TLE3: variants seen among roughly 807,000 people sequenced by gnomAD.
TLE3 encodes the protein transducin-like enhancer protein 3.
In TLE3, 14 loss-of-function variants were observed where a neutral mutation model predicts 93.0. The ratio of observed to expected loss-of-function variants is 0.15; its 90% CI spans 0.10 to 0.24. The LOEUF is 0.24. TLE3 is among the 10% of genes least tolerant of loss of function. The pLI, the probability that TLE3 is intolerant of heterozygous loss-of-function variation, is 1.00. For synonymous variants in TLE3, 451 were observed against 425.0 expected (o/e 1.06, Z -0.75); for missense variants, 693 against 1,046.6 (o/e 0.66, Z 4.66).
chr15:70,061,722 T>A (rs529285745), intron 8 of TLE3, among the ~76,000 whole-genome samples: 1 of 152,290 alleles, frequency 6.6e-6, no homozygotes, highest in South Asian at 2.1e-4. Flanking sequence ...ACCCACCAAT[T>A]TCCGAGCAGC....
In TLE3 at chr15:70,060,548, C is replaced by A. The variant is rs1223980901; in HGVS notation, c.696G>T (p.Lys232Asn). The change falls in exon 9 of 20, where the codon AAG (lysine) becomes AAT (asparagine). Residue 232 changes from lysine (K) to asparagine (N), a missense_variant. Around this residue, in one of 4 missense-constraint regions of TLE3, gnomAD observed 405 missense variants for 468.9 expected, o/e 0.86. Transcript: ENST00000451782. ...MEAKKRKAEE[K>N]DSLSRYDSDG... Reference sequence around the variant, plus strand: ...GACGTACGTATCGGCTCAAGCTGTCCTTCTCCTCCGCCTTCCGCTTCTTGG... The same window carrying A: ...GACGTACGTATCGGCTCAAGCTGTCATTCTCCTCCGCCTTCCGCTTCTTGG... The A allele has an allele frequency of 6.2e-7, 1 of 1,613,856 alleles. No individual in the cohort carries two copies.
chr15:70,093,081 T>C (rs1337180761), intron 4 of TLE3, among the ~76,000 whole-genome samples: 1 of 152,192 alleles, frequency 6.6e-6, no homozygotes, highest in African/African-American at 2.4e-5. Flanking sequence ...CCCTTCCAGT[T>C]GCAGAACCTG....
At chr15:70,056,419 A>G in intron 13 of TLE3, 45 bp from the exon 14 acceptor site, 1 of 1,573,572 alleles carries the variant, frequency 6.4e-7, no homozygotes, top group African/African-American at 1.3e-5. Flanking sequence ...GTGCTGCCAC[A>G]CACCCCCACC....
intron 3 of TLE3, chr15:70,095,373 C>T (rs1397836535): frequency 2.1e-6 from 3 of 1,444,588 alleles, no homozygotes; most frequent in Non-Finnish European, 2.7e-6. Context: ...TCTCTTTCTG[C>T]CCCTCCCCTC....
At chr15:70,096,068 G>T (rs1457291610) in intron 2 of TLE3, 93 bp downstream of exon 2, 20 of 1,411,422 alleles carry the variant, frequency 1.4e-5, no homozygotes, top group African/African-American at 7.2e-5. Context: ...CCCCTAGGTC[G>T]GGAGCCCCCT....
intron 2 of TLE3, 155 bp downstream of exon 2, chr15:70,096,006 C>T: frequency 1.1e-6 from 1 of 928,752 alleles, no homozygotes; most frequent in Non-Finnish European, 1.6e-6. Flanking sequence ...AGGGTTAAGG[C>T]GGCGCGCTCG....
At position 70,066,212 on chromosome 15, in the gene TLE3, G is replaced by T; in HGVS notation, c.379C>A (p.Gln127Lys). The T allele has an allele frequency of 6.5e-7, 1 of 1,529,286 alleles. No homozygotes were observed. 94.7% of individuals were successfully genotyped at this position (1,529,286 alleles called of 1,614,324 possible). ...TGGGAGAGGTGCTGCGCCTGGAGCT[G>T]CTGCTGCTGCAATGAAGTCGGTGGT... ...TELNAIIGQQ[Q>K]LQAQHLSHAT... The change falls in exon 7 of 20, where the codon CAG becomes AAG. Residue 127 changes from glutamine to lysine, a missense_variant. By Grantham distance (53) the Gln-to-Lys change is moderately conservative. This residue lies in a region of TLE3 where 104 missense variants were observed against 173.8 expected (regional missense o/e 0.60). Transcript: ENST00000451782.
chr15:70,083,225 G>C (rs757337370), intron 4 of TLE3, among the ~76,000 whole-genome samples: 1 of 151,166 alleles, frequency 6.6e-6, no homozygotes, highest in Non-Finnish European at 1.5e-5. Flanking sequence ...GACACCACAG[G>C]GCCCAGATGA....
intron 9 of TLE3, 59 bp downstream of exon 9, chr15:70,060,471 A>C: frequency 6.2e-7 from 1 of 1,604,484 alleles, no homozygotes; most frequent in Admixed American, 1.7e-5. Context: ...TGGGCCCTGC[A>C]GACACCCCCT....
intron 6 of TLE3, among the ~76,000 whole-genome samples, chr15:70,068,216 T>G (rs185754458): frequency 4.7e-4 from 72 of 152,380 alleles, no homozygotes; most frequent in African/African-American, 1.7e-3. Flanking sequence ...CCTCGGAAGA[T>G]TCTACTGTTA....
At chr15:70,054,832 C>G in intron 15 of TLE3, 147 bp from the exon 16 acceptor site, 1 of 1,274,148 alleles carries the variant, frequency 7.8e-7, no homozygotes, top group Non-Finnish European at 1.1e-6. Context: ...CCCCATTCCT[C>G]AAATTCACAA....
At chr15:70,088,962 G>A (rs1040106198) in intron 4 of TLE3, among the ~76,000 whole-genome samples, 4 of 144,358 alleles carry the variant, frequency 2.8e-5, no homozygotes, top group Admixed American at 2.7e-4. Context: ...GGGAGCCACC[G>A]GGTGGGGAGC....
At chr15:70,062,914 C>A (rs2056584677) in intron 8 of TLE3, among the ~76,000 whole-genome samples, 1 of 151,756 alleles carries the variant, frequency 6.6e-6, no homozygotes, top group Non-Finnish European at 1.5e-5. Context: ...TGGTAAACAG[C>A]CCAGCTCTTG....
chr15:70,065,490 C>G (rs769528241), intron 7 of TLE3, among the ~76,000 whole-genome samples: 1 of 152,218 alleles, frequency 6.6e-6, no homozygotes, highest in South Asian at 2.1e-4. Context: ...GACTGTGCAC[C>G]TTTCCCAGGT....
intron 8 of TLE3, among the ~76,000 whole-genome samples, chr15:70,061,175 A>G (rs2141561114): frequency 6.6e-6 from 1 of 152,270 alleles, no homozygotes; most frequent in Admixed American, 6.5e-5. Flanking sequence ...TTCCCAGTGG[A>G]GATGAGCAGC....
chr15:70,082,930 C>G (rs1412743906), intron 4 of TLE3, among the ~76,000 whole-genome samples: 3 of 152,162 alleles, frequency 2.0e-5, no homozygotes, highest in Admixed American at 2.0e-4. Context: ...AGGAATCCCA[C>G]CTCCTCTTTT....
At chr15:70,059,233 T>G (rs140730940) in intron 10 of TLE3, among the ~76,000 whole-genome samples, 177 bp downstream of exon 10, 1 of 152,054 alleles carries the variant, frequency 6.6e-6, no homozygotes, top group Non-Finnish European at 1.5e-5. Flanking sequence ...CCAGACACCA[T>G]GCAGCAAAGC....
intron 3 of TLE3, 60 bp downstream of exon 3, chr15:70,095,518 C>G (rs1056928946): frequency 6.5e-7 from 1 of 1,546,746 alleles, no homozygotes; most frequent in Non-Finnish European, 8.7e-7. Context: ...CAGATCCACG[C>G]CGCGCCCCCG....
In TLE3 at chr15:70,053,266, C is replaced by T. The variant is rs1256449433; in HGVS notation, c.1935G>A (p.Arg645=). The T allele has an allele frequency of 6.2e-7, 1 of 1,608,900 alleles. No individual in the cohort carries two copies. Among genetic ancestry groups the T allele is most frequent in the Admixed American group, 1.7e-5 (1 of 59,360 alleles). ...LDNTVRSWDL[R]EGRQLQQHDF... ...CATGCTGCTGTAGCTGTCGGCCCTC[C>T]CGCAGGTCCCAGGAGCGCACCGTGT... Residue 645 remains arginine, a synonymous_variant, in exon 17 of 20, where the codon CGG becomes CGA. Transcript: ENST00000451782.
Sources: allele counts gnomAD v4.1 joint callset (sites outside exome capture counted in the v4.1 genomes callset), GRCh38; gene constraint gnomAD v4.1.1; regional missense constraint gnomAD v4.1.1; transcripts MANE v1.5; gene names NCBI Gene and HGNC (gene_info 2026-07-23, HGNC 2026-07-21).